The following AK9 variants were observed in gnomAD, a reference collection of about 807,000 sequenced individuals.
AK9 encodes adenylate kinase domain containing 1.
In AK9, 191 loss-of-function variants were observed where a neutral mutation model predicts 239.6. That is an observed-to-expected ratio of 0.80 (90% CI 0.71 to 0.90). The LOEUF (loss-of-function observed/expected upper bound fraction) is 0.90, where lower values mean the gene tolerates loss of function less well. Among genes scored for constraint, AK9 ranks in the 40% least tolerant of loss-of-function variants. AK9 has a pLI of 0.00. For synonymous variants in AK9, 689 were observed against 721.0 expected, an observed-to-expected ratio of 0.96 and a Z score of 0.71; for missense variants, 1,995 against 2,214.7, an observed-to-expected ratio of 0.90 and a Z score of 1.99.
chr6:109,678,639 CA>C, intron 1 of AK9, among the ~76,000 whole-genome samples: 1 of 151,876 alleles, frequency 6.6e-6, no homozygotes, highest in Non-Finnish European at 1.5e-5. Flanking sequence ...TGCCGCCCCC[CA>C]AAAAAGATTA....
At chr6:109,562,590 C>T (rs558195092) in intron 24 of AK9, among the ~76,000 whole-genome samples, 3 of 152,246 alleles carry the variant, frequency 2.0e-5, no homozygotes, top group South Asian at 2.1e-4. Context: ...TTGAGCATTG[C>T]TCTTGGACAC....
rs371067654 is a variant in AK9, at chr6:109,681,333, T to C, written c.-11-5577A>G. The stretch of plus-strand genomic sequence containing the variant: ...AAAACAGATTTGAAACCAACAAAGA[T>C]CAAAAGAGACAAAGAAGGTCATTAC... On this transcript the variant is annotated intron_variant, in intron 1 of 40. Coordinates refer to ENST00000424296, the MANE Select transcript of AK9 (RefSeq NM_001145128.3). Among the ~76,000 whole-genome samples, 8 of 151,984 alleles carry C rather than the reference T, an allele frequency of 5.3e-5. No individual in the cohort carries two copies. In the South Asian group the frequency reaches 1.7e-3, roughly 32 times the overall value.
chr6:109,664,233 C>T (rs1800849035), intron 5 of AK9, among the ~76,000 whole-genome samples: 3 of 152,072 alleles, frequency 2.0e-5, no homozygotes, highest in African/African-American at 7.2e-5. Flanking sequence ...GGAGCCTCAA[C>T]AATTCTTATT....
chr6:109,588,544 TTC>T (rs1789822439), intron 17 of AK9, among the ~76,000 whole-genome samples: 1 of 152,210 alleles, frequency 6.6e-6, no homozygotes, highest in Non-Finnish European at 1.5e-5. Flanking sequence ...ATTACATAGA[TTC>T]TCTGTTTACT....
intron 5 of AK9, among the ~76,000 whole-genome samples, chr6:109,670,817 C>A (rs144883967): frequency 6.6e-6 from 1 of 152,222 alleles, no homozygotes; most frequent in East Asian, 1.9e-4. Flanking sequence ...CTTATCCAGC[C>A]TTCCATATTC....
intron 6 of AK9, 81 bp from the exon 7 acceptor site, chr6:109,659,494 CA>C: frequency 6.7e-7 from 1 of 1,490,124 alleles, no homozygotes; most frequent in Non-Finnish European, 8.9e-7. Flanking sequence ...ATATATTGTA[CA>C]GTACATAAAC....
chr6:109,671,868 A>T (rs921593450), intron 5 of AK9, 51 bp downstream of exon 5: 3 of 1,541,940 alleles, frequency 1.9e-6, no homozygotes, highest in Non-Finnish European at 2.7e-6. Flanking sequence ...CAGATAAAGC[A>T]TGAGTTTTAA....
rs1786835063 is a variant in AK9 at position 109,568,011 on chromosome 6, T to C, written c.2345-3166A>G. On this transcript the variant is annotated intron_variant, in intron 21 of 40. Coordinates refer to ENST00000424296, the MANE Select transcript of AK9 (RefSeq NM_001145128.3). The stretch of plus-strand genomic sequence containing the variant: ...TTTAGACCAATGTCCCTGATGAACA[T>C]GGATGCAAAAATTCTCAATAAAATA... 2.0e-5 allele frequency among the ~76,000 whole-genome samples: 3 copies of C among 152,006 alleles called. No homozygotes were observed. The South Asian group carries it at 6.3e-4, about 32-fold the overall frequency.
intron 6 of AK9, among the ~76,000 whole-genome samples, chr6:109,660,695 C>T (rs1265081461): frequency 6.6e-6 from 1 of 152,146 alleles, no homozygotes; most frequent in Non-Finnish European, 1.5e-5. Context: ...TTCTCATTTG[C>T]AGGAAATGAC....
chr6:109,658,831 A>G (rs1800041058), intron 7 of AK9, among the ~76,000 whole-genome samples: 1 of 151,890 alleles, frequency 6.6e-6, no homozygotes. Context: ...AAAAAAAAAA[A>G]GTCATTCTTT....
Position 109,508,436 on chromosome 6 carries a change from G to GGGAGGAGGA in AK9, c.4481+742_4481+743insTCCTCCTCC, listed in dbSNP as rs1275797338. Reference sequence around the variant, plus strand: ...CACCAGGGAGGAGGTAATTCAATCTGGGTAAGTCCCGGGCCTTTTCTGGGG... The same window carrying GGGAGGAGGA: ...CACCAGGGAGGAGGTAATTCAATCTGGGAGGAGGAGGTAAGTCCCGGGCCTTTTCTGGGG... On this transcript the variant is annotated intron_variant, in intron 33 of 40. Transcript: ENST00000424296. Among the ~76,000 whole-genome samples, 30 of 152,272 alleles carry GGGAGGAGGA rather than the reference G, an allele frequency of 2.0e-4. No individual in the cohort carries two copies. The South Asian group carries it at 6.2e-3, about 32-fold the overall frequency.
intron 20 of AK9, among the ~76,000 whole-genome samples, chr6:109,577,941 C>CT (rs375392278): frequency 0.032 from 3,989 of 126,078 alleles, 84 homozygotes; most frequent in East Asian, 0.12. Context: ...CTTTCTTTCT[C>CT]TTTTTTTTTT....
intron 17 of AK9, among the ~76,000 whole-genome samples, chr6:109,589,758 G>A (rs1017028035): frequency 6.6e-6 from 1 of 152,106 alleles, no homozygotes; most frequent in African/African-American, 2.4e-5. Context: ...AGTTGGGTAA[G>A]GGTTTTTATT....
intron 8 of AK9, among the ~76,000 whole-genome samples, chr6:109,647,983 A>G (rs1798318957): frequency 6.6e-6 from 1 of 152,186 alleles, no homozygotes; most frequent in African/African-American, 2.4e-5. Context: ...CTGCTCCTGA[A>G]TGACTACTGG....
chr6:109,517,379 A>G (rs1471645915), intron 29 of AK9, among the ~76,000 whole-genome samples: 1 of 152,238 alleles, frequency 6.6e-6, no homozygotes, highest in Non-Finnish European at 1.5e-5. Context: ...CCATAAATAA[A>G]TACAGAGACA....
intron 8 of AK9, among the ~76,000 whole-genome samples, chr6:109,646,941 T>C (rs141678576): frequency 0.025 from 3,867 of 152,264 alleles, 93 homozygotes; most frequent in East Asian, 0.11. Flanking sequence ...TATTCAACAT[T>C]CTTAAAGAAA....
At chr6:109,517,566 G>A (rs1291788822) in intron 29 of AK9, among the ~76,000 whole-genome samples, 1 of 152,088 alleles carries the variant, frequency 6.6e-6, no homozygotes, top group Non-Finnish European at 1.5e-5. Flanking sequence ...GGGTTGCTGG[G>A]AGCATTAAAT....
intron 27 of AK9, among the ~76,000 whole-genome samples, chr6:109,536,362 T>C (rs1426426359): frequency 6.6e-6 from 1 of 152,180 alleles, no homozygotes; most frequent in Non-Finnish European, 1.5e-5. Context: ...TTATTCTCTT[T>C]GAAGCAATTG....
At chr6:109,634,757 T>G (rs575772580) in intron 10 of AK9, among the ~76,000 whole-genome samples, 2 of 152,314 alleles carry the variant, frequency 1.3e-5, no homozygotes, top group African/African-American at 4.8e-5. Flanking sequence ...CTCCACAGGG[T>G]TCCTGGACAA....
Sources: gnomAD v4.1 joint callset for allele counts (sites outside exome capture counted in the v4.1 genomes callset) on GRCh38, gnomAD v4.1.1 for gene constraint, MANE v1.5 for transcripts, NCBI Gene and HGNC (gene_info 2026-07-23, HGNC 2026-07-21) for gene names.